The following EML5 variants were observed in gnomAD, a reference collection of about 807,000 sequenced individuals.
EML5 encodes the protein echinoderm microtubule-associated protein-like 5.
A neutral mutation model predicts 250.0 loss-of-function variants in EML5; 120 were observed. That is an observed-to-expected ratio of 0.48 (90% confidence interval 0.41 to 0.56). EML5 has a LOEUF of 0.56. EML5 is among the 20% of genes least tolerant of loss of function. The pLI is 0.00. For missense variants in EML5, 2,006 were observed against 2,437.6 expected (o/e 0.82, Z 3.73); for synonymous variants, 771 against 806.5 (o/e 0.96, Z 0.75).
At chr14:88,747,366 C>T (rs59203329) in intron 2 of EML5, among the ~76,000 whole-genome samples, 1,584 of 152,002 alleles carry the variant, frequency 0.01, 27 homozygotes, top group African/African-American at 0.037. Flanking sequence ...GAGCTGAGGT[C>T]GTTCCACTGC....
intron 1 of EML5, among the ~76,000 whole-genome samples, chr14:88,756,995 A>C (rs1318408230): frequency 6.6e-6 from 1 of 152,184 alleles, no homozygotes; most frequent in East Asian, 1.9e-4. Context: ...ATCCAGAAAG[A>C]CTCAAAATAA....
In EML5 at chr14:88,792,179, A is replaced by C; in HGVS notation, c.197+128T>G. On this transcript the variant is annotated intron_variant, in intron 1 of 43. Coordinates refer to ENST00000554922, the MANE Select transcript of EML5 (RefSeq NM_183387.3). The surrounding 1 kb of genome is among the most constrained non-coding windows in gnomAD (Gnocchi z 6.9). ...TTAACTGGTGGACTCGGGACCAGAG[A>C]GACAGCTGCGGATTCCCCTCGGGGT... 8.8e-7 allele frequency: 1 copy of C among 1,130,160 alleles called. No homozygotes were observed. Among genetic ancestry groups the C allele is most frequent in the South Asian group, 1.5e-5 (1 of 65,018 alleles). The allele number at this position is 1,130,160 out of a possible 1,614,324, so 70.0% of individuals were successfully genotyped here. A position where few individuals can be genotyped will look rare whatever the true frequency, so the allele number is the denominator to read the frequency against.
At chr14:88,674,043 C>T (rs1259682987) in intron 21 of EML5, among the ~76,000 whole-genome samples, 5 of 152,082 alleles carry the variant, frequency 3.3e-5, no homozygotes, top group African/African-American at 7.2e-5. Flanking sequence ...CTGAGGTGGG[C>T]GGATCACTTA....
intron 8 of EML5, among the ~76,000 whole-genome samples, chr14:88,719,641 T>C (rs530468451): frequency 6.6e-6 from 1 of 152,222 alleles, no homozygotes; most frequent in Non-Finnish European, 1.5e-5. Flanking sequence ...TTTAAAATAT[T>C]TGCAAGTTTT....
At chr14:88,702,126 C>G (rs1426837424) in intron 14 of EML5, among the ~76,000 whole-genome samples, 1 of 152,036 alleles carries the variant, frequency 6.6e-6, no homozygotes, top group Admixed American at 6.6e-5. Context: ...GGTAACTCAA[C>G]CTAAAGACAC....
rs73327335 is a variant in EML5, at chr14:88,722,688, C to T, written c.1187+3853G>A. ...GAGCTCAAACCATTTATGCCTAGTG[C>T]TCCATTACTGGAACGCTAAGCTTGT... On this transcript the variant is annotated intron_variant, in intron 8 of 43. Transcript: ENST00000554922. Among the ~76,000 whole-genome samples the T allele has an allele frequency of 1.4e-3, 217 of 152,106 alleles. 2 individuals carry two copies. Among genetic ancestry groups the T allele is most frequent in the African/African-American group, 5.1e-3 (213 of 41,492 alleles).
At chr14:88,654,724 T>C (rs1341143804) in intron 27 of EML5, among the ~76,000 whole-genome samples, 1 of 152,186 alleles carries the variant, frequency 6.6e-6, no homozygotes, top group Non-Finnish European at 1.5e-5. Flanking sequence ...TTAGAATAAA[T>C]GTGATGTGGT....
In EML5 at chr14:88,615,768, C is replaced by G. The variant is rs754624492; in HGVS notation, c.*50G>C. The G allele has an allele frequency of 6.3e-7, 1 of 1,582,708 alleles. No individual in the cohort carries two copies. The highest frequency in any genetic ancestry group is 1.2e-5 in the South Asian group (1 of 85,452). On this transcript the variant is annotated 3_prime_UTR_variant, in exon 44 of 44. Coordinates refer to ENST00000554922, the MANE Select transcript of EML5 (RefSeq NM_183387.3). ...GCAGGGTTGGGTTTTGGTTTTTCTT[C>G]TCTGTAATTCTGGTCTCAAAGTTAA... is the stretch of plus-strand genomic sequence containing the variant.
chr14:88,688,095 T>C (rs778385503), intron 18 of EML5, among the ~76,000 whole-genome samples, 176 bp downstream of exon 18: 2 of 152,082 alleles, frequency 1.3e-5, no homozygotes, highest in Non-Finnish European at 2.9e-5. Flanking sequence ...CAGACCTATT[T>C]CATTCTGTGT....
intron 1 of EML5, among the ~76,000 whole-genome samples, chr14:88,771,894 T>G (rs928673603): frequency 3.9e-5 from 6 of 152,176 alleles, no homozygotes; most frequent in African/African-American, 1.4e-4. Context: ...TTAAAGTGTA[T>G]GAGGGCTTTG....
intron 31 of EML5, among the ~76,000 whole-genome samples, chr14:88,642,356 A>T (rs773034486): frequency 1.1e-4 from 17 of 152,240 alleles, no homozygotes; most frequent in Non-Finnish European, 2.1e-4. Context: ...TAACCCAATC[A>T]GTTAAATGAA....
chr14:88,643,568 C>A (rs1167184892), intron 30 of EML5, among the ~76,000 whole-genome samples: 1 of 152,120 alleles, frequency 6.6e-6, no homozygotes, highest in Admixed American at 6.5e-5. Context: ...ATTTTGGCAT[C>A]CCCAGGGGGA....
At chr14:88,697,655 A>G (rs893700114) in intron 14 of EML5, among the ~76,000 whole-genome samples, 3 of 152,250 alleles carry the variant, frequency 2.0e-5, no homozygotes, top group East Asian at 3.8e-4. Flanking sequence ...ATAAAGAGAT[A>G]TAATATCTTT....
chr14:88,648,530 T>C (rs548837320), intron 28 of EML5, among the ~76,000 whole-genome samples: 1 of 151,982 alleles, frequency 6.6e-6, no homozygotes, highest in East Asian at 1.9e-4. Flanking sequence ...ATTTTTAAAA[T>C]TTTTTTTGTA....
At chr14:88,629,915 T>C (rs2090332150) in intron 33 of EML5, among the ~76,000 whole-genome samples, 1 of 152,140 alleles carries the variant, frequency 6.6e-6, no homozygotes, top group Non-Finnish European at 1.5e-5. Context: ...AGTATAGAGA[T>C]GCCATAAGTG....
chr14:88,653,006 G>A (rs2091702995), intron 27 of EML5, among the ~76,000 whole-genome samples: 1 of 152,066 alleles, frequency 6.6e-6, no homozygotes. Flanking sequence ...CTTTGAAGAG[G>A]TCCTTCACAT....
intron 17 of EML5, among the ~76,000 whole-genome samples, chr14:88,693,083 T>A (rs1049600433): frequency 3.9e-5 from 6 of 152,226 alleles, no homozygotes; most frequent in Non-Finnish European, 8.8e-5. Context: ...TGATACACTT[T>A]TGTATCATTT....
At chr14:88,750,505 G>A (rs1177181059) in intron 2 of EML5, among the ~76,000 whole-genome samples, 2 of 152,140 alleles carry the variant, frequency 1.3e-5, no homozygotes, top group African/African-American at 4.8e-5. Flanking sequence ...AGAGTGCCTG[G>A]TATATGACTG....
At chr14:88,735,014 C>T (rs936886630) in intron 7 of EML5, among the ~76,000 whole-genome samples, 1 of 151,964 alleles carries the variant, frequency 6.6e-6, no homozygotes, top group Non-Finnish European at 1.5e-5. Context: ...TGTGTGATAA[C>T]AGTATTGTGG....
Sources: allele counts gnomAD v4.1 joint callset (sites outside exome capture counted in the v4.1 genomes callset), GRCh38; gene constraint gnomAD v4.1.1; non-coding constraint Gnocchi (gnomAD v3.1); transcripts MANE v1.5; gene names NCBI Gene and HGNC (gene_info 2026-07-23, HGNC 2026-07-21).